Variants in GCC2 observed in about 807,000 individuals in gnomAD.
The protein encoded by GCC2 is GRIP and coiled-coil domain containing 2.
In GCC2, 120 loss-of-function variants were observed where a neutral mutation model predicts 210.6. The ratio of observed to expected loss-of-function variants is 0.57; its 90% confidence interval spans 0.49 to 0.66. The LOEUF is 0.66. GCC2 is among the 30% of genes least tolerant of loss of function. The pLI, the probability that GCC2 is intolerant of heterozygous loss-of-function variation, is 0.00. For synonymous variants in GCC2, 703 were observed against 652.7 expected (o/e 1.08, Z -1.17); for missense variants, 1,868 against 1,871.9 (o/e 1.00, Z 0.04).
In GCC2 at chr2:108,499,666, T is replaced by TGC; in HGVS notation, c.4896_4897insGC (p.Ser1633AlafsTer11). 1 of 1,612,132 alleles carries TGC rather than the reference T, an allele frequency of 6.2e-7. No homozygotes were observed. Among genetic ancestry groups the TGC allele is most frequent in the Non-Finnish European group, 8.5e-7 (1 of 1,179,882 alleles). ...TGCAGTTCATTTTCTTGAAACCAGG[T>TGC]AGTGAAAGAGAGAGACTTCTTCCTG... On this transcript the variant is annotated frameshift_variant, in exon 22 of 23. Transcript: ENST00000309863. LOFTEE classifies it high-confidence loss of function.
At position 108,501,382 on chromosome 2, in the gene GCC2, G is replaced by A. The variant is rs575673766; in HGVS notation, c.4984+1628G>A. ...TGGTCATTTATGCTATAGCAGTCCTGTATTTGGGTTTTAATCATTACAGGG... is the reference window on the plus strand; with the variant it reads ...TGGTCATTTATGCTATAGCAGTCCTATATTTGGGTTTTAATCATTACAGGG... On this transcript the variant is annotated intron_variant, in intron 22 of 22. Transcript: ENST00000309863. 8.4e-4 allele frequency among the ~76,000 whole-genome samples: 128 copies of A among 151,898 alleles called. 2 individuals carry two copies. The highest frequency in any genetic ancestry group is 9.7e-4 in the Non-Finnish European group (66 of 67,896).
In GCC2 at chr2:108,497,127, G is replaced by C. The variant is rs774043996; in HGVS notation, c.4782+18G>C. The C allele has an allele frequency of 6.2e-7, 1 of 1,611,936 alleles. No individual in the cohort carries two copies. Among genetic ancestry groups the C allele is most frequent in the Non-Finnish European group, 8.5e-7 (1 of 1,179,830 alleles). Reference sequence around the variant, plus strand: ...AAATTAAGGTGAGATCAGAAAACCTGGCCGCCGTGAAAACCGCCAGTTTGG... The same window carrying C: ...AAATTAAGGTGAGATCAGAAAACCTCGCCGCCGTGAAAACCGCCAGTTTGG... On this transcript the variant is annotated intron_variant, in intron 21 of 22. Transcript: ENST00000309863.
In GCC2 at chr2:108,471,305, A is replaced by G; in HGVS notation, c.1976A>G (p.Lys659Arg). The change falls in exon 6 of 23, where the codon AAG (lysine) becomes AGG (arginine). Residue 659 changes from lysine to arginine, a missense_variant. Physicochemically the swap from Lys to Arg is conservative, Grantham distance 26. Around this residue, in one of 3 missense-constraint regions of GCC2, gnomAD observed 1,847 missense variants for 1,765.2 expected, o/e 1.05. Coordinates refer to ENST00000309863, the MANE Select transcript of GCC2 (RefSeq NM_181453.4). ...TGGLEETLKE[K>R]DQNDQKLEKL... is the part of the protein sequence containing the mutation. ...GGACTAGAGGAGACTTTAAAAGAAA[A>G]GGATCAAAATGACCAAAAACTAGAA... 6.2e-7 allele frequency: 1 copy of G among 1,611,738 alleles called. No homozygotes were observed.
chr2:108,458,848 T>C, intron 4 of GCC2, among the ~76,000 whole-genome samples: 1 of 152,218 alleles, frequency 6.6e-6, no homozygotes, highest in East Asian at 1.9e-4. Flanking sequence ...CAATTTTGTT[T>C]ATCTTTTTGA....
chr2:108,492,704 A>C lies in GCC2; in HGVS notation c.4361A>C (p.His1454Pro), dbSNP rs1411197349. 1 of 1,614,120 alleles carries C rather than the reference A, an allele frequency of 6.2e-7. No individual in the cohort carries two copies. The highest frequency in any genetic ancestry group is 1.7e-5 in the Admixed American group (1 of 60,034). ...CAAGTGCGACATTTGCAGGAAGAAC[A>C]CAGAAAGACAGTGGAGACATTACAG... Reference protein sequence around the residue: ...RDQVRHLQEEHRKTVETLQQQ... With the variant: ...RDQVRHLQEEPRKTVETLQQQ... Residue 1454 changes from histidine (H) to proline (P), a missense_variant, in exon 19 of 23, where the codon CAC becomes CCC. This residue lies in a region of GCC2 where 1,847 missense variants were observed against 1,765.2 expected (regional missense o/e 1.05). Coordinates refer to ENST00000309863, the MANE Select transcript of GCC2 (RefSeq NM_181453.4).
At chr2:108,498,008 A>C (rs1573234110) in intron 21 of GCC2, among the ~76,000 whole-genome samples, 1 of 152,192 alleles carries the variant, frequency 6.6e-6, no homozygotes, top group East Asian at 1.9e-4. Flanking sequence ...AGATTATTTT[A>C]AAGCTGAATT....
rs538020013 is a variant in GCC2 at position 108,485,997 on chromosome 2, G to A, written c.3792+89G>A. On this transcript the variant is annotated intron_variant, in intron 15 of 22. Coordinates refer to ENST00000309863, the MANE Select transcript of GCC2 (RefSeq NM_181453.4). ...GAGATTTTATTGATTATCCTATAAC[G>A]ATATCTAGAAAGATTCCTCAACATT... 38 of 612,774 alleles carry A rather than the reference G, an allele frequency of 6.2e-5. 1 individual carries two copies. In the South Asian group the frequency reaches 7.5e-4, roughly 12 times the overall value. 38.0% of individuals were successfully genotyped at this position (612,774 alleles called of 1,614,324 possible). A position where few individuals can be genotyped will look rare whatever the true frequency, so the allele number is the denominator to read the frequency against.
At chr2:108,449,518 G>A in intron 1 of GCC2, 115 bp from the exon 2 acceptor site, 2 of 1,263,758 alleles carry the variant, frequency 1.6e-6, no homozygotes, top group African/African-American at 1.5e-5. Flanking sequence ...TCTGTCTCAC[G>A]AGGCTTTCCA....
chr2:108,450,921 G>T lies in GCC2; in HGVS notation c.64-107G>T, dbSNP rs1679910119. ...GAACAAAGTATGCGGTTGGCATAAA[G>T]ATTTATTCTGTAGAATGTTTTTGTT... On this transcript the variant is annotated intron_variant, in intron 2 of 22. Coordinates refer to ENST00000309863, the MANE Select transcript of GCC2 (RefSeq NM_181453.4). 1.5e-5 allele frequency: 11 copies of T among 728,208 alleles called. No homozygotes were observed. The South Asian group carries it at 1.9e-4, about 13-fold the overall frequency. 45.1% of individuals were successfully genotyped at this position (728,208 alleles called of 1,614,324 possible). A position where few individuals can be genotyped will look rare whatever the true frequency, so the allele number is the denominator to read the frequency against.
At chr2:108,478,884 C>A (rs1385795731) in intron 9 of GCC2, among the ~76,000 whole-genome samples, 1 of 152,178 alleles carries the variant, frequency 6.6e-6, no homozygotes, top group Admixed American at 6.5e-5. Flanking sequence ...AATGATACCT[C>A]AACCCTGTAT....
At chr2:108,475,099 G>C (rs1053027) in intron 7 of GCC2, 57,500 of 153,490 alleles carry the variant, frequency 0.37, 12,484 homozygotes, top group East Asian at 0.89. Flanking sequence ...ACATATTACA[G>C]GTTTCGTTGT....
chr2:108,507,076 G>A (rs982161556), intron 22 of GCC2, among the ~76,000 whole-genome samples: 1 of 152,150 alleles, frequency 6.6e-6, no homozygotes, highest in African/African-American at 2.4e-5. Flanking sequence ...TTTAAAAAGA[G>A]AAATTTAGTA....
intron 11 of GCC2, 58 bp from the exon 12 acceptor site, chr2:108,483,004 A>T: frequency 1.1e-6 from 1 of 922,640 alleles, no homozygotes; most frequent in Non-Finnish European, 1.8e-6. Context: ...AAAGCCCCTT[A>T]AAAATACCTT....
intron 4 of GCC2, 134 bp downstream of exon 4, chr2:108,452,600 A>T (rs1680004058): frequency 3.1e-6 from 2 of 641,206 alleles, no homozygotes; most frequent in Non-Finnish European, 5.6e-6. Flanking sequence ...TATCTGATTC[A>T]CTGTAAAAAG....
chr2:108,490,212 A>G, intron 18 of GCC2, 198 bp downstream of exon 18: 1 of 393,322 alleles, frequency 2.5e-6, no homozygotes, highest in East Asian at 3.9e-5. Flanking sequence ...TTTAAGAACA[A>G]TTAATGTCTA....
At position 108,458,609 on chromosome 2, in the gene GCC2, T is replaced by C. The variant is rs935184680; in HGVS notation, c.216+6143T>C. ...CTGATTCGTTCTTGCTACTCATTAT[T>C]AATTTGTTCAGGTTTTCTATTTTTT... On this transcript the variant is annotated intron_variant, in intron 4 of 22. Coordinates refer to ENST00000309863, the MANE Select transcript of GCC2 (RefSeq NM_181453.4). Among the ~76,000 whole-genome samples the C allele has an allele frequency of 2.6e-5, 4 of 152,034 alleles. No individual in the cohort carries two copies. The East Asian group carries it at 7.7e-4, about 29-fold the overall frequency.
chr2:108,474,885 A>G (rs1326281192), intron 7 of GCC2: 1 of 152,186 alleles, frequency 6.6e-6, no homozygotes, highest in African/African-American at 2.4e-5. Flanking sequence ...GCAGGATGAA[A>G]TGCAGATGTG....
chr2:108,472,925 C>T (rs375003449), intron 7 of GCC2, 26 bp downstream of exon 7: 3 of 1,262,720 alleles, frequency 2.4e-6, no homozygotes, highest in Non-Finnish European at 3.4e-6. Context: ...CAGATGTTGT[C>T]ACAATTAATT....
chr2:108,495,407 G>A lies in GCC2; in HGVS notation c.4564G>A (p.Asp1522Asn), dbSNP rs774589902. 5.7e-6 allele frequency: 9 copies of A among 1,588,824 alleles called. No homozygotes were observed. Among genetic ancestry groups the A allele is most frequent in the Non-Finnish European group, 7.7e-6 (9 of 1,172,954 alleles). ...AGAGGGAGAAGGCATGGAGACAACT[G>A]ATACGGAGTCTGTGTCTTCCGCCAG... ...REEGEGMETT[D>N]TESVSSASTY... Residue 1522 changes from aspartate (D) to asparagine (N), a missense_variant, in exon 20 of 23, where the codon GAT becomes AAT. This residue lies in a region of GCC2 where 1,847 missense variants were observed against 1,765.2 expected (regional missense o/e 1.05). Transcript: ENST00000309863.
Sources: gnomAD v4.1 joint callset for allele counts (sites outside exome capture counted in the v4.1 genomes callset) on GRCh38, gnomAD v4.1.1 for gene constraint, gnomAD v4.1.1 regional missense constraint, MANE v1.5 for transcripts, NCBI Gene and HGNC (gene_info 2026-07-23, HGNC 2026-07-21) for gene names.